Variants in SPIDR observed in about 807,000 individuals in gnomAD.
The protein encoded by SPIDR is DNA repair-scaffolding protein.
A neutral mutation model predicts 104.6 loss-of-function variants in SPIDR; 93 were observed. That is an observed-to-expected ratio of 0.89 (90% confidence interval 0.75 to 1.06). The LOEUF (loss-of-function observed/expected upper bound fraction) is 1.06. Among genes scored for constraint, SPIDR ranks in the 50% least tolerant of loss-of-function variants. The pLI is 0.00. For synonymous variants in SPIDR, 431 were observed against 416.9 expected (o/e 1.03, Z -0.41); for missense variants, 1,154 against 1,111.2 (o/e 1.04, Z -0.55).
intron 5 of SPIDR, among the ~76,000 whole-genome samples, chr8:47,322,022 G>A (rs1441250336): frequency 6.6e-6 from 1 of 152,134 alleles, no homozygotes; most frequent in Non-Finnish European, 1.5e-5. Flanking sequence ...TACCATTCAG[G>A]ACATGGGCAT....
At chr8:47,374,281 G>A (rs2058396504) in intron 5 of SPIDR, among the ~76,000 whole-genome samples, 1 of 151,980 alleles carries the variant, frequency 6.6e-6, no homozygotes, top group African/African-American at 2.4e-5. Context: ...TAACACTTTG[G>A]GAGGCTGAGA....
At chr8:47,469,071 G>T (rs1346287902) in intron 8 of SPIDR, among the ~76,000 whole-genome samples, 3 of 151,976 alleles carry the variant, frequency 2.0e-5, no homozygotes, top group Admixed American at 1.3e-4. Flanking sequence ...CATTCATATG[G>T]CCAACAAGCA....
At chr8:47,543,296 G>C (rs2088606728) in intron 8 of SPIDR, among the ~76,000 whole-genome samples, 1 of 152,176 alleles carries the variant, frequency 6.6e-6, no homozygotes, top group African/African-American at 2.4e-5. Context: ...AGTAATGTGT[G>C]AGTGATCCAG....
intron 10 of SPIDR, among the ~76,000 whole-genome samples, chr8:47,614,788 A>G (rs2064073407): frequency 2.0e-5 from 3 of 152,186 alleles, no homozygotes; most frequent in Admixed American, 2.0e-4. Context: ...GTCTTCCACA[A>G]TGGTTAAACT....
chr8:47,562,470 T>C (rs2057200293), intron 8 of SPIDR, among the ~76,000 whole-genome samples: 1 of 152,092 alleles, frequency 6.6e-6, no homozygotes, highest in African/African-American at 2.4e-5. Context: ...GTGAAAGGAT[T>C]TCTCTCTCCT....
intron 8 of SPIDR, among the ~76,000 whole-genome samples, chr8:47,559,876 A>G (rs1157577507): frequency 1.3e-5 from 2 of 152,224 alleles, no homozygotes; most frequent in Admixed American, 1.3e-4. Flanking sequence ...ACAGAAACTG[A>G]TTGTTGGTCT....
intron 7 of SPIDR, among the ~76,000 whole-genome samples, chr8:47,438,641 C>T (rs941685294): frequency 4.6e-5 from 7 of 152,162 alleles, no homozygotes; most frequent in Admixed American, 2.0e-4. Flanking sequence ...AGCAGAAGCT[C>T]GTTATATGCT....
At chr8:47,700,818 A>AT (rs750766276) in intron 12 of SPIDR, among the ~76,000 whole-genome samples, 8 of 152,124 alleles carry the variant, frequency 5.3e-5, no homozygotes, top group Non-Finnish European at 8.8e-5. Flanking sequence ...AACATATAGA[A>AT]TTTTTCCCAC....
At chr8:47,405,215 G>C (rs1162934731) in intron 6 of SPIDR, among the ~76,000 whole-genome samples, 1 of 151,938 alleles carries the variant, frequency 6.6e-6, no homozygotes, top group South Asian at 2.1e-4. Context: ...GTGGTGGGGG[G>C]ATGGGGGAGG....
chr8:47,464,744 G>A (rs2074500997), intron 8 of SPIDR, among the ~76,000 whole-genome samples: 2 of 151,310 alleles, frequency 1.3e-5, no homozygotes, highest in African/African-American at 4.9e-5. Context: ...GCCTCACCTT[G>A]CCTCATTTTT....
chr8:47,400,174 TC>T (rs1256857179), intron 6 of SPIDR, among the ~76,000 whole-genome samples: 2 of 152,214 alleles, frequency 1.3e-5, no homozygotes, highest in Non-Finnish European at 2.9e-5. Flanking sequence ...AGGCCATCCT[TC>T]CTGGCCTTTC....
intron 8 of SPIDR, among the ~76,000 whole-genome samples, chr8:47,588,007 T>G (rs2154416907): frequency 7.9e-6 from 1 of 127,114 alleles, no homozygotes; most frequent in East Asian, 2.4e-4. Context: ...TTGCCTTTCC[T>G]TGCAACTTTT....
intron 8 of SPIDR, among the ~76,000 whole-genome samples, chr8:47,489,352 A>C (rs2078268171): frequency 6.6e-6 from 1 of 152,230 alleles, no homozygotes; most frequent in African/African-American, 2.4e-5. Flanking sequence ...GAAATAAAAG[A>C]GGACACAAAC....
At chr8:47,311,301 A>C (rs962121719) in intron 5 of SPIDR, among the ~76,000 whole-genome samples, 2 of 152,208 alleles carry the variant, frequency 1.3e-5, no homozygotes, top group Non-Finnish European at 2.9e-5. Context: ...AGCTAGCCTC[A>C]GTGGCTGGTA....
At chr8:47,302,885 C>CGG (rs1554578642) in intron 5 of SPIDR, among the ~76,000 whole-genome samples, 1 of 152,182 alleles carries the variant, frequency 6.6e-6, no homozygotes, top group African/African-American at 2.4e-5. Flanking sequence ...TTAGGCTACT[C>CGG]GAGGGTCAGG....
intron 8 of SPIDR, among the ~76,000 whole-genome samples, chr8:47,479,939 A>G (rs560344182): frequency 2.0e-5 from 3 of 152,342 alleles, no homozygotes; most frequent in Admixed American, 1.3e-4. Flanking sequence ...TTTGTGCCTC[A>G]TGATGTTTTG....
intron 8 of SPIDR, among the ~76,000 whole-genome samples, chr8:47,488,222 A>C (rs952162218): frequency 1.3e-5 from 2 of 152,172 alleles, no homozygotes; most frequent in Non-Finnish European, 2.9e-5. Context: ...TACTATAAAC[A>C]CCTCTACGCA....
chr8:47,431,045 CTG>C (rs1159612613), intron 7 of SPIDR, among the ~76,000 whole-genome samples: 1 of 152,216 alleles, frequency 6.6e-6, no homozygotes, highest in African/African-American at 2.4e-5. Flanking sequence ...ATCCCACAGA[CTG>C]TGACGTAAAG....
At chr8:47,611,903 A>T in intron 10 of SPIDR, among the ~76,000 whole-genome samples, 1 of 152,306 alleles carries the variant, frequency 6.6e-6, no homozygotes, top group South Asian at 2.1e-4. Context: ...ACAAAAAAGG[A>T]GAACTGAGCC....
Sources: gnomAD v4.1 joint callset for allele counts (sites outside exome capture counted in the v4.1 genomes callset) on GRCh38, gnomAD v4.1.1 for gene constraint, MANE v1.5 for transcripts, NCBI Gene and HGNC (gene_info 2026-07-23, HGNC 2026-07-21) for gene names.